Variants in KIF4A observed in about 807,000 individuals in gnomAD.
The protein encoded by KIF4A is kinesin family member 4A, also known as chromosome-associated kinesin KIF4A.
In KIF4A, 7 loss-of-function variants were observed where a neutral mutation model predicts 105.9. The ratio of observed to expected loss-of-function variants is 0.07; its 90% CI spans 0.04 to 0.12. The LOEUF is 0.12. KIF4A is among the 10% of genes least tolerant of loss of function. The probability of loss-of-function intolerance (pLI) is 1.00; values close to 1 mark genes in which losing one functional copy is unlikely to be tolerated. For missense variants in KIF4A, 558 were observed against 929.2 expected (o/e 0.60, Z 5.19); for synonymous variants, 281 against 331.3 (o/e 0.85, Z 1.65).
At chrX:70,382,607 GAGTT>G (rs1230138514) in intron 18 of KIF4A, among the ~76,000 whole-genome samples, 2 of 111,592 alleles carry the variant, frequency 1.8e-5, no homozygotes, top group Non-Finnish European at 1.9e-5. Context: ...AACCAAAAAA[GAGTT>G]AAATTAGACA....
intron 5 of KIF4A, 27 bp downstream of exon 5, chrX:70,299,229 T>C: frequency 8.7e-7 from 1 of 1,148,035 alleles, no homozygotes; most frequent in African/African-American, 1.8e-5. Flanking sequence ...TTTGATGTTA[T>C]TAAAAAAATT....
rs146083437 is a variant in KIF4A at position 70,353,729 on chromosome X, G to A, written c.1596G>A (p.Ala532=). The A allele has an allele frequency of 9.6e-5, 116 of 1,206,166 alleles. No homozygotes were observed. Among genetic ancestry groups the A allele is most frequent in the Admixed American group, 8.8e-5 (4 of 45,334 alleles). Residue 532 remains alanine (A), a synonymous_variant, in exon 15 of 31, where the codon GCG becomes GCA. Transcript: ENST00000374403. ...MSKELVELNK[A]LALKEALARK... is the part of the protein sequence containing the mutation. Reference sequence around the variant, plus strand: ...AGGAGCTGGTTGAGTTGAATAAAGCGCTTGCACTGAAAGAGGCCCTGGCTA... The same window carrying A: ...AGGAGCTGGTTGAGTTGAATAAAGCACTTGCACTGAAAGAGGCCCTGGCTA...
In KIF4A at chrX:70,419,777, T is replaced by C; in HGVS notation, c.3489T>C (p.Asn1163=). ...TTAATCCCGTCTGTGCCACCCCCAATAGCAAGGTAGGTGGGCTAAAAGGCA... is the reference window on the plus strand; with the variant it reads ...TTAATCCCGTCTGTGCCACCCCCAACAGCAAGGTAGGTGGGCTAAAAGGCA... ...SFFNPVCATP[N]SKILKEMCDV... Residue 1163 remains asparagine, a synonymous_variant, in exon 30 of 31, where the codon AAT becomes AAC. Coordinates refer to ENST00000374403, the MANE Select transcript of KIF4A (RefSeq NM_012310.5). 1 of 1,210,846 alleles carries C rather than the reference T, an allele frequency of 8.3e-7. No individual in the cohort carries two copies. Among genetic ancestry groups the C allele is most frequent in the Non-Finnish European group, 1.1e-6 (1 of 895,318 alleles).
intron 20 of KIF4A, among the ~76,000 whole-genome samples, chrX:70,389,483 G>A (rs890606584): frequency 1.9e-4 from 21 of 112,332 alleles, no homozygotes; most frequent in African/African-American, 6.2e-4. Context: ...TGGAAGAATC[G>A]CTTGAACCGG....
intron 11 of KIF4A, among the ~76,000 whole-genome samples, chrX:70,343,298 TTTTG>T (rs1005374821): frequency 6.3e-5 from 7 of 111,412 alleles, no homozygotes; most frequent in Admixed American, 4.8e-4. Context: ...AAGTGGGGTT[TTTTG>T]TTTGTTTGTT....
intron 7 of KIF4A, among the ~76,000 whole-genome samples, chrX:70,303,038 T>C (rs750468068): frequency 8.9e-6 from 1 of 112,170 alleles, no homozygotes; most frequent in South Asian, 3.8e-4. Context: ...TTCTCATAGC[T>C]ACCAGCTTAG....
intron 13 of KIF4A, 69 bp downstream of exon 13, chrX:70,344,051 T>G: frequency 1.3e-6 from 1 of 792,703 alleles, no homozygotes; most frequent in Non-Finnish European, 1.9e-6. Context: ...CATACAAGCC[T>G]TTCTAGCTCT....
intron 7 of KIF4A, among the ~76,000 whole-genome samples, chrX:70,326,605 C>G (rs2085911866): frequency 8.9e-6 from 1 of 112,091 alleles, no homozygotes; most frequent in African/African-American, 3.2e-5. Context: ...TGAACAAACA[C>G]CCAAAGGTAT....
chrX:70,325,123 A>AT (rs772468072), intron 7 of KIF4A, among the ~76,000 whole-genome samples: 1 of 112,342 alleles, frequency 8.9e-6, no homozygotes, highest in South Asian at 3.7e-4. Flanking sequence ...TTTTAAAAGC[A>AT]TAGGAGCTTT....
At chrX:70,411,309 A>C (rs1455909994) in intron 28 of KIF4A, among the ~76,000 whole-genome samples, 1 of 110,220 alleles carries the variant, frequency 9.1e-6, no homozygotes, top group Non-Finnish European at 1.9e-5. Flanking sequence ...AAAATTAAAA[A>C]AAAAAAAAGA....
chrX:70,319,421 A>G (rs1388549303), intron 7 of KIF4A, among the ~76,000 whole-genome samples: 1 of 111,552 alleles, frequency 9.0e-6, no homozygotes, highest in Non-Finnish European at 1.9e-5. Context: ...TGCAGGGTCC[A>G]GTTTTGTTTT....
chrX:70,409,414 C>T (rs918633009), intron 28 of KIF4A, among the ~76,000 whole-genome samples: 2 of 111,559 alleles, frequency 1.8e-5, no homozygotes, highest in Non-Finnish European at 3.8e-5. Flanking sequence ...CATTTATGGA[C>T]GTTTTACTAT....
chrX:70,301,813 G>A, intron 5 of KIF4A, 87 bp from the exon 6 acceptor site: 1 of 1,036,070 alleles, frequency 9.7e-7, no homozygotes, highest in Non-Finnish European at 1.3e-6. Context: ...GACTATCAAG[G>A]CATTTTTTTA....
At chrX:70,347,446 T>G (rs1374998692) in intron 13 of KIF4A, among the ~76,000 whole-genome samples, 21 of 112,048 alleles carry the variant, frequency 1.9e-4, no homozygotes, top group African/African-American at 6.5e-4. Context: ...CTTAGTATTG[T>G]AAAATTTCAC....
At chrX:70,339,028 C>T (rs191691375) in intron 10 of KIF4A, among the ~76,000 whole-genome samples, 1,638 of 102,628 alleles carry the variant, frequency 0.016, 34 homozygotes, top group African/African-American at 0.055. Context: ...GAGCTTGCAG[C>T]GAGCCAAGAC....
intron 7 of KIF4A, among the ~76,000 whole-genome samples, chrX:70,319,484 T>G (rs1226125078): frequency 9.0e-6 from 1 of 111,583 alleles, no homozygotes; most frequent in Non-Finnish European, 1.9e-5. Flanking sequence ...GTCCGTTCTT[T>G]CCCTACTGAT....
At chrX:70,415,861 C>CTTTTTT (rs1162374099) in intron 28 of KIF4A, among the ~76,000 whole-genome samples, 15 of 57,414 alleles carry the variant, frequency 2.6e-4, no homozygotes, top group Admixed American at 4.7e-4. Context: ...TGCATTATTT[C>CTTTTTT]TTTTTTTTTT....
chrX:70,374,369 T>C (rs911039093), intron 16 of KIF4A, 115 bp downstream of exon 16: 2 of 450,653 alleles, frequency 4.4e-6, no homozygotes. Context: ...AACCTAATTA[T>C]GAAGAGGAAA....
chrX:70,301,083 G>A (rs939374307), intron 5 of KIF4A, among the ~76,000 whole-genome samples: 3 of 111,735 alleles, frequency 2.7e-5, no homozygotes, highest in Non-Finnish European at 5.6e-5. Context: ...ATATGGAGGA[G>A]TGGGAGAAGT....
Sources: allele counts gnomAD v4.1 joint callset (sites outside exome capture counted in the v4.1 genomes callset), GRCh38; gene constraint gnomAD v4.1.1; transcripts MANE v1.5; gene names NCBI Gene and HGNC (gene_info 2026-07-23, HGNC 2026-07-21).